CTNNA2: variants seen among roughly 807,000 people sequenced by gnomAD.
The protein encoded by CTNNA2 is catenin alpha 2.
Under a neutral mutation model 101.0 loss-of-function variants are expected in CTNNA2, and 42 were observed. The ratio of observed to expected loss-of-function variants is 0.42; its 90% CI spans 0.32 to 0.54. CTNNA2 has a LOEUF of 0.54. Ranked by LOEUF, CTNNA2 falls within the 20% of genes least tolerant of loss-of-function variation. CTNNA2 has a pLI of 0.14. For synonymous variants in CTNNA2, 450 were observed against 456.4 expected (o/e 0.99, Z 0.18); for missense variants, 871 against 1,223.1 (o/e 0.71, Z 4.29).
chr2:79,212,027 T>C (rs1674181003), intron 2 of CTNNA2, among the ~76,000 whole-genome samples: 1 of 152,148 alleles, frequency 6.6e-6, no homozygotes, highest in Non-Finnish European at 1.5e-5. Context: ...TTTGTATGAA[T>C]TGAAAAACTA....
At position 79,392,070 on chromosome 2, in the gene CTNNA2, T is replaced by C. The variant is rs1678178968; in HGVS notation, c.-135+18057T>C. ...GACCTCATTTAACTTTAATTACCTC[T>C]TTCAAGGATATATTAACATTGAAAC... On this transcript the variant is annotated intron_variant, in intron 4 of 21. Coordinates refer to the CTNNA2 transcript ENST00000466387. Among the ~76,000 whole-genome samples the C allele has an allele frequency of 3.9e-5, 6 of 152,304 alleles. 1 individual carries two copies. The highest frequency in any genetic ancestry group is 1.4e-4 in the African/African-American group (6 of 41,576).
intron 7 of CTNNA2, among the ~76,000 whole-genome samples, chr2:80,157,105 T>A (rs1244016619): frequency 6.6e-6 from 1 of 152,136 alleles, no homozygotes; most frequent in African/African-American, 2.4e-5. Context: ...ATGTAAACAT[T>A]CTCTTTTCTT....
intron 1 of CTNNA2, among the ~76,000 whole-genome samples, chr2:79,565,634 C>T (rs950362278): frequency 3.3e-5 from 5 of 152,060 alleles, no homozygotes; most frequent in African/African-American, 1.2e-4. Context: ...TTCACTCATG[C>T]TAGTGGTAAG....
At chr2:79,448,502 T>A (rs936265371) in intron 4 of CTNNA2, among the ~76,000 whole-genome samples, 1 of 152,036 alleles carries the variant, frequency 6.6e-6, no homozygotes, top group African/African-American at 2.4e-5. Flanking sequence ...ACAAGGTGCA[T>A]GTTCATCAAA....
intron 9 of CTNNA2, among the ~76,000 whole-genome samples, chr2:80,420,605 A>G (rs1020437950): frequency 5.9e-5 from 9 of 152,148 alleles, no homozygotes; most frequent in Non-Finnish European, 1.3e-4. Flanking sequence ...AAATCCTCAG[A>G]AAGTTCTTTA....
chr2:79,717,053 A>G (rs1213787120), intron 2 of CTNNA2, among the ~76,000 whole-genome samples: 2 of 152,230 alleles, frequency 1.3e-5, no homozygotes, highest in Non-Finnish European at 2.9e-5. Context: ...AGCAAATATA[A>G]ATATGAATAC....
chr2:80,449,287 T>TTAAATAAA (rs72400269), intron 9 of CTNNA2, among the ~76,000 whole-genome samples: 1,539 of 149,900 alleles, frequency 0.01, 24 homozygotes, highest in African/African-American at 0.032. Context: ...GTCTCTAAAA[T>TTAAATAAA]TAAATAAATA....
At chr2:80,153,476 T>G (rs1703824923) in intron 7 of CTNNA2, among the ~76,000 whole-genome samples, 1 of 152,198 alleles carries the variant, frequency 6.6e-6, no homozygotes, top group Non-Finnish European at 1.5e-5. Context: ...TAGTAGAGAT[T>G]ATGCCAGGCG....
chr2:80,581,548 G>C, intron 13 of CTNNA2, among the ~76,000 whole-genome samples, 158 bp from the exon 14 acceptor site: 2 of 152,100 alleles, frequency 1.3e-5, no homozygotes. Flanking sequence ...TTTTCTGACT[G>C]CATTCCGGCT....
chr2:80,096,627 T>A (rs934970497), intron 7 of CTNNA2, among the ~76,000 whole-genome samples: 2 of 152,142 alleles, frequency 1.3e-5, no homozygotes, highest in African/African-American at 4.8e-5. Flanking sequence ...CCCATTATTA[T>A]TGTGTGGGAG....
chr2:79,465,832 G>A (rs574965056), intron 4 of CTNNA2, among the ~76,000 whole-genome samples: 4 of 152,136 alleles, frequency 2.6e-5, no homozygotes, highest in Non-Finnish European at 5.9e-5. Flanking sequence ...CATTGATTTT[G>A]TATCCTGAGA....
At chr2:79,469,626 C>T (rs1670977121) in intron 4 of CTNNA2, among the ~76,000 whole-genome samples, 1 of 152,106 alleles carries the variant, frequency 6.6e-6, no homozygotes, top group Non-Finnish European at 1.5e-5. Flanking sequence ...TGCAAAAATC[C>T]TCAATAAAAT....
chr2:79,781,448 T>C (rs778580659), intron 3 of CTNNA2, among the ~76,000 whole-genome samples: 1 of 152,164 alleles, frequency 6.6e-6, no homozygotes, highest in Non-Finnish European at 1.5e-5. Context: ...TTCAGCCTTA[T>C]TTTACCCAGC....
chr2:80,164,190 A>AT (rs1342665802), intron 7 of CTNNA2, among the ~76,000 whole-genome samples: 2 of 151,394 alleles, frequency 1.3e-5, no homozygotes, highest in Admixed American at 6.6e-5. Context: ...CTGCCATTTT[A>AT]TTTTTTGTTT....
intron 7 of CTNNA2, among the ~76,000 whole-genome samples, chr2:80,379,977 A>T (rs973317886): frequency 3.3e-5 from 5 of 151,846 alleles, no homozygotes; most frequent in African/African-American, 1.2e-4. Flanking sequence ...AAGTTACGTA[A>T]AAGTTTTCAT....
chr2:80,503,571 G>T (rs983728025), intron 9 of CTNNA2, among the ~76,000 whole-genome samples: 17 of 152,110 alleles, frequency 1.1e-4, no homozygotes, highest in Non-Finnish European at 2.5e-4. Context: ...ATTCCCTCTT[G>T]AAAAACAAAC....
intron 3 of CTNNA2, among the ~76,000 whole-genome samples, chr2:79,785,680 C>T (rs906027271): frequency 4.6e-5 from 7 of 152,004 alleles, no homozygotes; most frequent in African/African-American, 1.7e-4. Flanking sequence ...TTGTTTGGTG[C>T]CTTCCTTTTT....
chr2:79,903,472 T>G (rs552591045), intron 6 of CTNNA2, among the ~76,000 whole-genome samples: 1 of 152,210 alleles, frequency 6.6e-6, no homozygotes, highest in African/African-American at 2.4e-5. Flanking sequence ...TGTTCTCAAA[T>G]TGAAAACTTT....
chr2:80,574,282 C>T lies in CTNNA2; in HGVS notation c.1861C>T (p.Arg621Trp). 1 of 1,612,856 alleles carries T rather than the reference C, an allele frequency of 6.2e-7. No individual in the cohort carries two copies. Among genetic ancestry groups the T allele is most frequent in the Non-Finnish European group, 8.5e-7 (1 of 1,179,152 alleles). ...DASRLVYDGVRDIRKAVLMIR... is the reference protein window; with the variant it reads ...DASRLVYDGVWDIRKAVLMIR... Reference sequence around the variant, plus strand: ...CTCTCGCCTGGTGTATGATGGCGTTCGGGACATCAGAAAGGCTGTGCTGAT... The same window carrying T: ...CTCTCGCCTGGTGTATGATGGCGTTTGGGACATCAGAAAGGCTGTGCTGAT... The change falls in exon 13 of 19, where the codon CGG becomes TGG. Residue 621 changes from arginine (R) to tryptophan (W), a missense_variant. Around this residue, in one of 5 missense-constraint regions of CTNNA2, gnomAD observed 647 missense variants for 831.5 expected, o/e 0.78. Coordinates refer to ENST00000402739, the MANE Select transcript of CTNNA2 (RefSeq NM_001282597.3).
Sources: gnomAD v4.1 joint callset for allele counts (sites outside exome capture counted in the v4.1 genomes callset) on GRCh38, gnomAD v4.1.1 for gene constraint, gnomAD v4.1.1 regional missense constraint, MANE v1.5 for transcripts, NCBI Gene and HGNC (gene_info 2026-07-23, HGNC 2026-07-21) for gene names.